Variants in DLGAP1 observed in about 807,000 individuals in gnomAD.
The protein encoded by DLGAP1 is DLG associated protein 1.
Under a neutral mutation model 90.8 loss-of-function variants are expected in DLGAP1, and 11 were observed. The ratio of observed to expected loss-of-function variants is 0.12; its 90% CI spans 0.08 to 0.20. DLGAP1 has a LOEUF of 0.20. DLGAP1 is among the 10% of genes least tolerant of loss of function. The pLI, the probability that DLGAP1 is intolerant of heterozygous loss-of-function variation, is 1.00. For synonymous variants in DLGAP1, 558 were observed against 540.7 expected, an observed-to-expected ratio of 1.03 and a Z score of -0.44; for missense variants, 1,050 against 1,333.8, an observed-to-expected ratio of 0.79 and a Z score of 3.31.
intron 3 of DLGAP1, among the ~76,000 whole-genome samples, chr18:3,893,084 C>T (rs2071519142): frequency 6.6e-6 from 1 of 151,766 alleles, no homozygotes; most frequent in Non-Finnish European, 1.5e-5. Context: ...TCTCCAATGT[C>T]TATTATTCCA....
intron 4 of DLGAP1, among the ~76,000 whole-genome samples, chr18:3,841,586 G>A (rs2068720561): frequency 6.6e-6 from 1 of 152,106 alleles, no homozygotes; most frequent in South Asian, 2.1e-4. Context: ...ACAGACTGAG[G>A]GTCCCATTCC....
intron 5 of DLGAP1, among the ~76,000 whole-genome samples, chr18:3,743,787 C>A (rs139465689): frequency 0.011 from 1,609 of 152,206 alleles, 13 homozygotes; most frequent in Middle Eastern, 0.051. Flanking sequence ...ATAGCTGAGA[C>A]AACAGGTACA....
chr18:3,767,400 T>C (rs569856024), intron 5 of DLGAP1, among the ~76,000 whole-genome samples: 1 of 152,186 alleles, frequency 6.6e-6, no homozygotes, highest in East Asian at 1.9e-4. Flanking sequence ...TAAAATGAAT[T>C]TTTATAAAGC....
chr18:4,324,493 G>A (rs1392577968), intron 1 of DLGAP1, among the ~76,000 whole-genome samples: 1 of 151,890 alleles, frequency 6.6e-6, no homozygotes, highest in Non-Finnish European at 1.5e-5. Flanking sequence ...TTGAGGAGCA[G>A]GGACTCCTCC....
intron 4 of DLGAP1, among the ~76,000 whole-genome samples, chr18:3,815,384 TTTTA>T (rs2148442597): frequency 1.4e-5 from 1 of 72,426 alleles, no homozygotes; most frequent in South Asian, 3.6e-4. Flanking sequence ...ATTTTCTTGC[TTTTA>T]TTTTTTCTTG....
chr18:3,972,622 G>C (rs1480964443), intron 3 of DLGAP1, among the ~76,000 whole-genome samples: 1 of 152,040 alleles, frequency 6.6e-6, no homozygotes, highest in Admixed American at 6.6e-5. Flanking sequence ...TCAGTCCCTG[G>C]CATCCGATAG....
chr18:3,505,637 T>TAAAA (rs35445954), intron 11 of DLGAP1, among the ~76,000 whole-genome samples: 5 of 87,706 alleles, frequency 5.7e-5, no homozygotes, highest in Admixed American at 2.7e-4. Flanking sequence ...AGACTCCCTC[T>TAAAA]AAAAAAAAAA....
intron 3 of DLGAP1, chr18:3,984,339 T>C (rs1216209514): frequency 6.6e-6 from 1 of 152,212 alleles, no homozygotes; most frequent in African/African-American, 2.4e-5. Flanking sequence ...GTCTCTACAA[T>C]GTCTCAGAGG....
chr18:4,274,798 A>G (rs1316474807), intron 1 of DLGAP1, among the ~76,000 whole-genome samples: 1 of 152,206 alleles, frequency 6.6e-6, no homozygotes, highest in East Asian at 1.9e-4. Flanking sequence ...TCATAAATGA[A>G]CACACTAAAC....
At chr18:3,633,642 T>C (rs2058598528) in intron 7 of DLGAP1, among the ~76,000 whole-genome samples, 2 of 152,220 alleles carry the variant, frequency 1.3e-5, no homozygotes, top group African/African-American at 4.8e-5. Context: ...TTCACTGAAA[T>C]TGCAATTCTA....
intron 7 of DLGAP1, among the ~76,000 whole-genome samples, chr18:3,647,241 T>G (rs539349996): frequency 6.7e-6 from 1 of 150,198 alleles, no homozygotes; most frequent in Middle Eastern, 3.4e-3. Context: ...GCAACAAGAG[T>G]GAAAATCCAT....
At chr18:3,662,653 CA>C (rs1438703548) in intron 7 of DLGAP1, among the ~76,000 whole-genome samples, 1 of 152,198 alleles carries the variant, frequency 6.6e-6, no homozygotes, top group Non-Finnish European at 1.5e-5. Flanking sequence ...GGGGACAACT[CA>C]GAAGGTGCAA....
At chr18:4,396,133 A>G (rs17363609) in intron 1 of DLGAP1, among the ~76,000 whole-genome samples, 14,701 of 152,256 alleles carry the variant, frequency 0.097, 1,141 homozygotes, top group Non-Finnish European at 0.14. Context: ...ATTTGCCTCT[A>G]TGACTTAGTA....
At chr18:3,552,602 CTGTT>C (rs1435893063) in intron 9 of DLGAP1, among the ~76,000 whole-genome samples, 1 of 152,170 alleles carries the variant, frequency 6.6e-6, no homozygotes, top group African/African-American at 2.4e-5. Context: ...TGCCTCAACA[CTGTT>C]TGTATATCTT....
intron 1 of DLGAP1, among the ~76,000 whole-genome samples, chr18:4,273,107 C>A (rs1171998887): frequency 6.6e-6 from 1 of 152,100 alleles, no homozygotes; most frequent in African/African-American, 2.4e-5. Context: ...TGTTGCTTTA[C>A]CACCTCTCCA....
At chr18:4,190,664 T>A (rs2077379947) in intron 1 of DLGAP1, among the ~76,000 whole-genome samples, 1 of 152,124 alleles carries the variant, frequency 6.6e-6, no homozygotes, top group African/African-American at 2.4e-5. Flanking sequence ...ATACAACTTT[T>A]CTGTAAATCT....
intron 1 of DLGAP1, among the ~76,000 whole-genome samples, chr18:4,279,606 T>C (rs1205826785): frequency 1.3e-5 from 2 of 152,218 alleles, no homozygotes; most frequent in African/African-American, 4.8e-5. Context: ...CCTGCGTGCC[T>C]ATATGTCCAA....
chr18:3,573,911 A>C (rs1319956004), intron 8 of DLGAP1, among the ~76,000 whole-genome samples: 1 of 152,172 alleles, frequency 6.6e-6, no homozygotes, highest in Non-Finnish European at 1.5e-5. Flanking sequence ...TATGTTGCTT[A>C]AGCTGGTCTT....
At chr18:3,778,968 C>T (rs1246827439) in intron 5 of DLGAP1, among the ~76,000 whole-genome samples, 1 of 152,180 alleles carries the variant, frequency 6.6e-6, no homozygotes, top group Non-Finnish European at 1.5e-5. Flanking sequence ...TCTATCCCAA[C>T]CTGAGCTCAC....
Sources: gnomAD v4.1 joint callset for allele counts (sites outside exome capture counted in the v4.1 genomes callset) on GRCh38, gnomAD v4.1.1 for gene constraint, MANE v1.5 for transcripts, NCBI Gene and HGNC (gene_info 2026-07-23, HGNC 2026-07-21) for gene names.